Variants in RARB observed in about 807,000 individuals in gnomAD.
The protein encoded by RARB is HBV-activated protein.
In RARB, 17 loss-of-function variants were observed where a neutral mutation model predicts 51.9. The ratio of observed to expected loss-of-function variants is 0.33; its 90% CI spans 0.22 to 0.49. The LOEUF is 0.49. Among genes scored for constraint, RARB ranks in the 20% least tolerant of loss-of-function variants. RARB has a pLI of 0.99. For missense variants in RARB, 369 were observed against 550.8 expected, an observed-to-expected ratio of 0.67 and a Z score of 3.30; for synonymous variants, 215 against 195.4, an observed-to-expected ratio of 1.10 and a Z score of -0.84.
chr3:24,909,980 A>C (rs1024409837), intron 2 of RARB, among the ~76,000 whole-genome samples: 1 of 152,212 alleles, frequency 6.6e-6, no homozygotes, highest in African/African-American at 2.4e-5. Flanking sequence ...CGCAAAATTG[A>C]AAAAGTCTGC....
In RARB at chr3:25,510,646, T is replaced by C. The variant is rs540731349; in HGVS notation, c.448+9323T>C. Among the ~76,000 whole-genome samples the C allele has an allele frequency of 1.2e-4, 18 of 152,158 alleles. No homozygotes were observed. The East Asian group carries it at 3.1e-3, about 26-fold the overall frequency. On this transcript the variant is annotated intron_variant, in intron 3 of 7. Transcript: ENST00000330688. ...GTCTCAAAAAAAAAATCTATAATTA[T>C]GTGGTTTGATTTAACGTGTATACTA...
At chr3:25,433,902 G>C (rs758985593) in intron 1 of RARB, among the ~76,000 whole-genome samples, 1 of 152,208 alleles carries the variant, frequency 6.6e-6, no homozygotes. Flanking sequence ...CTAGGAAGCA[G>C]GAGAGCCTAA....
At chr3:25,528,788 G>C (rs1178245816) in intron 3 of RARB, among the ~76,000 whole-genome samples, 1 of 152,030 alleles carries the variant, frequency 6.6e-6, no homozygotes, top group Admixed American at 6.5e-5. Context: ...ACTCCACACA[G>C]AGTAGTCTGA....
chr3:25,198,707 A>T (rs1430000332), intron 5 of RARB, among the ~76,000 whole-genome samples: 1 of 152,164 alleles, frequency 6.6e-6, no homozygotes, highest in South Asian at 2.1e-4. Flanking sequence ...CTTACTGAGC[A>T]TCAGAGAAAT....
intron 4 of RARB, among the ~76,000 whole-genome samples, chr3:25,153,596 A>C (rs1385832386): frequency 6.6e-6 from 1 of 152,226 alleles, no homozygotes; most frequent in African/African-American, 2.4e-5. Flanking sequence ...ACTATAATTA[A>C]ACAATGTGAA....
chr3:24,893,460 G>A (rs1703424903), intron 2 of RARB, among the ~76,000 whole-genome samples: 1 of 152,154 alleles, frequency 6.6e-6, no homozygotes. Context: ...TTAATAAGAT[G>A]TGGCTCTTCA....
chr3:25,420,991 C>CA lies in RARB; in HGVS notation c.179-40184dup, dbSNP rs1204249206. 2.0e-3 allele frequency among the ~76,000 whole-genome samples: 250 copies of CA among 126,260 alleles called. 5 individuals are homozygous for CA. In the East Asian group the frequency reaches 0.021, roughly 10 times the overall value. 82.8% of individuals were successfully genotyped at this position (126,260 alleles called of 152,430 possible). ...TGCTGAGGCTCAACACCACTTATGC[C>CA]AAAAAAAAAAAAAAAAAACAGAGTC... On this transcript the variant is annotated intron_variant, in intron 5 of 11. Coordinates refer to the RARB transcript ENST00000383772.
chr3:24,987,363 AC>A (rs1696816512), intron 2 of RARB, among the ~76,000 whole-genome samples: 1 of 152,232 alleles, frequency 6.6e-6, no homozygotes, highest in Non-Finnish European at 1.5e-5. Flanking sequence ...TAGTTTAGTG[AC>A]TATTAAAAAG....
At chr3:25,017,229 A>AC (rs1475705852) in intron 2 of RARB, among the ~76,000 whole-genome samples, 75 of 141,714 alleles carry the variant, frequency 5.3e-4, no homozygotes, top group Non-Finnish European at 2.0e-4. Flanking sequence ...CCCTTTCAGA[A>AC]CCTAAACCCC....
chr3:25,453,389 A>G (rs985200649), intron 1 of RARB, among the ~76,000 whole-genome samples: 1 of 151,812 alleles, frequency 6.6e-6, no homozygotes, highest in Non-Finnish European at 1.5e-5. Context: ...CTGGGATTAC[A>G]GGCATGCATC....
chr3:25,075,926 T>A (rs13353418), intron 3 of RARB, among the ~76,000 whole-genome samples: 108,409 of 151,422 alleles, frequency 0.72, 39,545 homozygotes, highest in Admixed American at 0.8. Context: ...TGTTTATCTG[T>A]TTGTGCCATT....
intron 3 of RARB, among the ~76,000 whole-genome samples, chr3:25,090,024 G>T (rs1699169226): frequency 2.0e-5 from 3 of 152,056 alleles, no homozygotes; most frequent in African/African-American, 7.2e-5. Context: ...TTATCAGAAA[G>T]ATATACATTA....
At chr3:25,201,655 T>C (rs1457677548) in intron 5 of RARB, among the ~76,000 whole-genome samples, 2 of 152,230 alleles carry the variant, frequency 1.3e-5, no homozygotes, top group Non-Finnish European at 2.9e-5. Context: ...TGTTGAGTTT[T>C]GTCAAAGGCC....
intron 2 of RARB, among the ~76,000 whole-genome samples, chr3:25,484,586 A>G (rs1696375653): frequency 6.6e-6 from 1 of 152,170 alleles, no homozygotes; most frequent in Non-Finnish European, 1.5e-5. Context: ...TGAAAAAAAA[A>G]TTAATATAAC....
intron 5 of RARB, among the ~76,000 whole-genome samples, chr3:25,204,603 G>A (rs567630669): frequency 1.3e-5 from 2 of 152,250 alleles, no homozygotes; most frequent in South Asian, 4.1e-4. Context: ...ATTGGGTTTT[G>A]GTGTGGATGT....
intron 4 of RARB, among the ~76,000 whole-genome samples, chr3:25,571,642 G>A (rs1460747618): frequency 6.6e-6 from 1 of 152,220 alleles, no homozygotes; most frequent in African/African-American, 2.4e-5. Flanking sequence ...GTGACCCCAT[G>A]TATCCAGAAC....
At chr3:25,367,187 T>C (rs1706147798) in intron 5 of RARB, among the ~76,000 whole-genome samples, 1 of 152,172 alleles carries the variant, frequency 6.6e-6, no homozygotes, top group Non-Finnish European at 1.5e-5. Flanking sequence ...TTATCAATGT[T>C]TACTTGAAAG....
At chr3:24,913,029 G>C (rs1695027607) in intron 2 of RARB, among the ~76,000 whole-genome samples, 1 of 127,052 alleles carries the variant, frequency 7.9e-6, no homozygotes, top group Admixed American at 9.9e-5. Flanking sequence ...CGCTCAGGCT[G>C]GAGTGCAGTG....
At chr3:25,175,321 C>G (rs1184821897) in intron 5 of RARB, among the ~76,000 whole-genome samples, 1 of 152,160 alleles carries the variant, frequency 6.6e-6, no homozygotes, top group Non-Finnish European at 1.5e-5. Context: ...GGTTTAGCAT[C>G]TGGAGGTGAA....
Sources: allele counts gnomAD v4.1 joint callset (sites outside exome capture counted in the v4.1 genomes callset), GRCh38; gene constraint gnomAD v4.1.1; transcripts MANE v1.5; gene names NCBI Gene and HGNC (gene_info 2026-07-23, HGNC 2026-07-21).